KIAA0586: variants seen among roughly 807,000 people sequenced by gnomAD.
The protein encoded by KIAA0586 is KIAA0586.
KIAA0586 carries 144 observed loss-of-function variants against 169.8 expected under a neutral mutation model. The observed-to-expected ratio is 0.85, with a 90% CI of 0.74 to 0.97. The LOEUF is 0.97. Among genes scored for constraint, KIAA0586 ranks in the 50% least tolerant of loss-of-function variants. The pLI is 0.00. For missense variants in KIAA0586, 1,854 were observed against 1,823.0 expected (o/e 1.02, Z -0.31); for synonymous variants, 625 against 612.4 (o/e 1.02, Z -0.30).
At chr14:58,481,022 T>C (rs2041996429) in intron 20 of KIAA0586, among the ~76,000 whole-genome samples, 2 of 152,218 alleles carry the variant, frequency 1.3e-5, no homozygotes, top group African/African-American at 4.8e-5. Context: ...TTTTGGGCCA[T>C]GCTCAAAGAA....
intron 29 of KIAA0586, among the ~76,000 whole-genome samples, chr14:58,531,359 A>T (rs1367694476): frequency 1.4e-5 from 2 of 146,986 alleles, no homozygotes; most frequent in Non-Finnish European, 3.0e-5. Context: ...AATAAAAAAT[A>T]AAAAAAAATT....
chr14:58,445,259 C>T (rs527762278), intron 6 of KIAA0586, among the ~76,000 whole-genome samples: 8 of 152,110 alleles, frequency 5.3e-5, no homozygotes, highest in African/African-American at 1.9e-4. Flanking sequence ...CTGATGCACA[C>T]CGTTGGATAA....
At chr14:58,474,553 A>G in intron 18 of KIAA0586, 54 bp from the exon 19 acceptor site, 1 of 1,273,316 alleles carries the variant, frequency 7.9e-7, no homozygotes, top group Non-Finnish European at 1.1e-6. Context: ...GTTGGTACTC[A>G]GTAAATGTTG....
intron 27 of KIAA0586, among the ~76,000 whole-genome samples, chr14:58,502,646 A>G (rs975189580): frequency 2.0e-5 from 3 of 152,208 alleles, no homozygotes; most frequent in African/African-American, 7.2e-5. Flanking sequence ...TTGACAATGC[A>G]TGTAAAGTAC....
chr14:58,488,924 C>T, intron 24 of KIAA0586, 50 bp downstream of exon 24: 2 of 1,548,612 alleles, frequency 1.3e-6, no homozygotes, highest in Non-Finnish European at 1.8e-6. Context: ...ATGCTAATTC[C>T]CTAAGTAATA....
intron 20 of KIAA0586, among the ~76,000 whole-genome samples, chr14:58,480,905 A>G (rs1242668401): frequency 6.6e-6 from 1 of 152,182 alleles, no homozygotes; most frequent in African/African-American, 2.4e-5. Context: ...ACATTTTACA[A>G]ATTGGGTATT....
In KIAA0586 at chr14:58,487,948, T is replaced by G. The variant is rs997858686; in HGVS notation, c.3366T>G (p.Pro1122=). Residue 1122 remains proline, a synonymous_variant, in exon 23 of 31, where the codon CCT becomes CCG. Transcript: ENST00000652326. The part of the protein sequence containing the change: ...NTPTVTPTTT[P]PPAAAVFTPT... ...CAACAGTTACCCCTACTACTACACC[T>G]CCTCCAGCGGCGGCAGTTTTTACCC... The G allele has an allele frequency of 6.2e-7, 1 of 1,613,692 alleles. No homozygotes were observed. Among genetic ancestry groups the G allele is most frequent in the Middle Eastern group, 1.6e-4 (1 of 6,062 alleles).
chr14:58,547,108 A>G (rs906372102), intron 30 of KIAA0586, among the ~76,000 whole-genome samples: 1 of 151,734 alleles, frequency 6.6e-6, no homozygotes, highest in Non-Finnish European at 1.5e-5. Context: ...TGCCTTGGCA[A>G]CCTTTGACTT....
intron 19 of KIAA0586, among the ~76,000 whole-genome samples, chr14:58,475,894 G>A (rs1239811178): frequency 6.6e-6 from 1 of 152,132 alleles, no homozygotes; most frequent in East Asian, 1.9e-4. Flanking sequence ...GAGGTCAGGA[G>A]TTCGAGACCA....
chr14:58,446,773 TAGTAAGTACTCCCTGCATGACTAA>T (rs1269740858), intron 6 of KIAA0586, among the ~76,000 whole-genome samples: 1 of 152,140 alleles, frequency 6.6e-6, no homozygotes, highest in Non-Finnish European at 1.5e-5. Flanking sequence ...AAGTAAAGTT[TAGTAAGTACTCCCTGCATGACTAA>T]AATTGAGCAC....
intron 18 of KIAA0586, among the ~76,000 whole-genome samples, chr14:58,473,143 G>C (rs1237281944): frequency 6.6e-6 from 1 of 151,406 alleles, no homozygotes; most frequent in Non-Finnish European, 1.5e-5. Flanking sequence ...TATAAGCTGT[G>C]GACTTCATTT....
intron 4 of KIAA0586, among the ~76,000 whole-genome samples, chr14:58,434,351 G>T (rs571642377): frequency 2.0e-5 from 3 of 152,102 alleles, no homozygotes; most frequent in Non-Finnish European, 4.4e-5. Flanking sequence ...GATTTTAATA[G>T]GCCAGTTACT....
At chr14:58,469,099 A>G (rs1354142476) in intron 16 of KIAA0586, among the ~76,000 whole-genome samples, 2 of 152,156 alleles carry the variant, frequency 1.3e-5, no homozygotes, top group African/African-American at 4.8e-5. Context: ...ACAAATTTAT[A>G]CAGAACAGCC....
intron 8 of KIAA0586, among the ~76,000 whole-genome samples, chr14:58,452,610 G>T (rs935357756): frequency 3.9e-5 from 6 of 152,120 alleles, no homozygotes; most frequent in African/African-American, 2.4e-5. Context: ...ACTGGACTTC[G>T]TGATGATGAC....
intron 24 of KIAA0586, 35 bp from the exon 25 acceptor site, chr14:58,490,129 T>A: frequency 9.5e-7 from 1 of 1,049,158 alleles, no homozygotes; most frequent in Non-Finnish European, 1.4e-6. Context: ...TTGTGTTTCT[T>A]TTTTTTTTCT....
intron 18 of KIAA0586, 72 bp from the exon 19 acceptor site, chr14:58,474,535 T>C: frequency 9.8e-7 from 1 of 1,020,534 alleles, no homozygotes; most frequent in Non-Finnish European, 1.4e-6. Context: ...CCTAGTTCCT[T>C]GCCTATAGTT....
intron 4 of KIAA0586, chr14:58,441,418 C>T (rs1483364269): frequency 3.3e-6 from 1 of 301,202 alleles, no homozygotes; most frequent in Non-Finnish European, 7.1e-6. Context: ...CCAGGCTGGT[C>T]TCGAACTCCT....
chr14:58,436,000 T>A (rs1045745740), intron 4 of KIAA0586, among the ~76,000 whole-genome samples: 1 of 152,276 alleles, frequency 6.6e-6, no homozygotes, highest in East Asian at 1.9e-4. Context: ...TGACCCATCG[T>A]GCCCAGCCAG....
chr14:58,561,529 C>T, the KIAA0586 span, among the ~76,000 whole-genome samples: 1 of 152,092 alleles, frequency 6.6e-6, no homozygotes, highest in East Asian at 1.9e-4. Context: ...AAGAGAACAT[C>T]TATTTGGAAA....
Sources: gnomAD v4.1 joint callset for allele counts (sites outside exome capture counted in the v4.1 genomes callset) on GRCh38, gnomAD v4.1.1 for gene constraint, MANE v1.5 for transcripts, NCBI Gene and HGNC (gene_info 2026-07-23, HGNC 2026-07-21) for gene names.